Variants in VPS13A observed in about 807,000 individuals in gnomAD.
The protein encoded by VPS13A is vacuolar protein sorting 13 homolog A.
In VPS13A, 264 loss-of-function variants were observed where a neutral mutation model predicts 390.9. The ratio of observed to expected loss-of-function variants is 0.68; its 90% CI spans 0.61 to 0.75. VPS13A has a LOEUF of 0.75. Among genes scored for constraint, VPS13A ranks in the 30% least tolerant of loss-of-function variants. VPS13A has a pLI of 0.00. For synonymous variants in VPS13A, 1,231 were observed against 1,227.1 expected, an observed-to-expected ratio of 1.00 and a Z score of -0.07; for missense variants, 3,409 against 3,733.9, an observed-to-expected ratio of 0.91 and a Z score of 2.27.
At chr9:77,336,670 C>A (rs1830552724) in intron 46 of VPS13A, among the ~76,000 whole-genome samples, 1 of 150,782 alleles carries the variant, frequency 6.6e-6, no homozygotes, top group African/African-American at 2.4e-5. Context: ...TGATACGATT[C>A]ATGTATTTTT....
chr9:77,237,864 GTCT>G (rs1354074815), intron 17 of VPS13A, 135 bp from the exon 18 acceptor site: 6 of 644,928 alleles, frequency 9.3e-6, no homozygotes, highest in South Asian at 3.8e-5. Flanking sequence ...ATCATTGTAT[GTCT>G]TCTTTGATGG....
At position 77,201,346 on chromosome 9, in the gene VPS13A, A is replaced by G. The variant is rs754661980; in HGVS notation, c.145-19A>G. ...CTATATCTACTAATGTTTTGTGTAT[A>G]TATAAATTTTTTCTGTAGAGTCAAC... is the stretch of plus-strand genomic sequence containing the variant. On this transcript the variant is annotated intron_variant, in intron 2 of 71. Transcript: ENST00000360280. 3.0e-5 allele frequency: 46 copies of G among 1,554,422 alleles called. No homozygotes were observed. The highest frequency in any genetic ancestry group is 4.1e-5 in the Non-Finnish European group (46 of 1,126,260).
chr9:77,217,948 C>T (rs1433152374), intron 10 of VPS13A, among the ~76,000 whole-genome samples: 3 of 151,962 alleles, frequency 2.0e-5, no homozygotes, highest in African/African-American at 7.2e-5. Context: ...AATCCCTTTT[C>T]TCCACATCCT....
chr9:77,403,762 A>G (rs1387911670), intron 69 of VPS13A, among the ~76,000 whole-genome samples: 1 of 152,228 alleles, frequency 6.6e-6, no homozygotes, highest in Admixed American at 6.5e-5. Context: ...GACTTCTTCA[A>G]GTAGACAGTG....
At position 77,314,101 on chromosome 9, in the gene VPS13A, TAGTCCA is replaced by T. The variant is rs1564719948; in HGVS notation, c.4225_4230del (p.Ser1409_Pro1410del). 6.2e-7 allele frequency: 1 copy of T among 1,613,364 alleles called. No homozygotes were observed. Among genetic ancestry groups the T allele is most frequent in the Non-Finnish European group, 8.5e-7 (1 of 1,179,558 alleles). On this transcript the variant is annotated inframe_deletion, in exon 36 of 72. Transcript: ENST00000360280. ...CTGATGATCTCACCATGGTGCTGTA[TAGTCCA>T]GGTCCTAAACAGGTAAGTCCAGGAA...
At chr9:77,395,982 A>C (rs1316202153) in intron 68 of VPS13A, 1 of 152,208 alleles carries the variant, frequency 6.6e-6, no homozygotes, top group East Asian at 1.9e-4. Flanking sequence ...AGTATTTTAA[A>C]AGAAATGTTA....
At chr9:77,280,388 A>T (rs1294424822) in intron 27 of VPS13A, 150 bp downstream of exon 27, 1 of 598,374 alleles carries the variant, frequency 1.7e-6, no homozygotes, top group Non-Finnish European at 2.9e-6. Context: ...TTATTTTGTC[A>T]TCTTGTATTA....
chr9:77,411,493 C>G (rs905423344), intron 71 of VPS13A, among the ~76,000 whole-genome samples: 1 of 151,770 alleles, frequency 6.6e-6, no homozygotes, highest in African/African-American at 2.4e-5. Flanking sequence ...GAAACCCCGT[C>G]TCTACTAAAA....
intron 5 of VPS13A, among the ~76,000 whole-genome samples, chr9:77,206,636 C>G (rs1258212643): frequency 6.6e-6 from 1 of 152,104 alleles, no homozygotes; most frequent in African/African-American, 2.4e-5. Context: ...TCCTTTTCAC[C>G]TGTTCTCTGA....
At chr9:77,353,791 G>T in intron 54 of VPS13A, 150 bp downstream of exon 54, 1 of 798,510 alleles carries the variant, frequency 1.3e-6, no homozygotes, top group East Asian at 2.7e-5. Context: ...ATGTGCTTGA[G>T]GGAATTTTTT....
At chr9:77,321,885 G>A (rs550779666) in intron 44 of VPS13A, 139 bp downstream of exon 44, 1 of 988,272 alleles carries the variant, frequency 1.0e-6, no homozygotes, top group Non-Finnish European at 1.5e-6. Context: ...TTTCTAATAG[G>A]TCAAGAACTG....
chr9:77,206,264 A>T (rs1468847543), intron 5 of VPS13A, among the ~76,000 whole-genome samples, 185 bp downstream of exon 5: 4 of 151,338 alleles, frequency 2.6e-5, no homozygotes, highest in Non-Finnish European at 5.9e-5. Context: ...ATTTTACCTT[A>T]TGGAAATTTA....
intron 15 of VPS13A, 118 bp downstream of exon 15, chr9:77,226,716 A>C: frequency 1.2e-6 from 1 of 837,730 alleles, no homozygotes; most frequent in Non-Finnish European, 1.7e-6. Flanking sequence ...TTATATATAA[A>C]GTTATTACAA....
chr9:77,198,738 A>T (rs1825149734), intron 1 of VPS13A, among the ~76,000 whole-genome samples: 1 of 151,878 alleles, frequency 6.6e-6, no homozygotes, highest in Non-Finnish European at 1.5e-5. Context: ...ATGTCGGCTC[A>T]CTGCAACCTC....
At chr9:77,357,669 A>G in intron 55 of VPS13A, 23 bp from the exon 56 acceptor site, 2 of 1,610,846 alleles carry the variant, frequency 1.2e-6, no homozygotes, top group Non-Finnish European at 1.7e-6. Flanking sequence ...TAATTTTTTC[A>G]TTTGGGGGGA....
At chr9:77,222,716 A>G (rs904121980) in intron 13 of VPS13A, among the ~76,000 whole-genome samples, 18 of 152,106 alleles carry the variant, frequency 1.2e-4, no homozygotes, top group African/African-American at 4.3e-4. Flanking sequence ...ATGATCAGTG[A>G]TCTTTGCTGT....
At chr9:77,209,892 A>G (rs1358932196) in intron 6 of VPS13A, among the ~76,000 whole-genome samples, 1 of 152,196 alleles carries the variant, frequency 6.6e-6, no homozygotes, top group Non-Finnish European at 1.5e-5. Flanking sequence ...TTGATCCTGA[A>G]TAGGTCATTT....
chr9:77,268,178 C>G (rs1249034836), intron 23 of VPS13A, among the ~76,000 whole-genome samples: 1 of 152,200 alleles, frequency 6.6e-6, no homozygotes, highest in African/African-American at 2.4e-5. Context: ...GCTGGCATTC[C>G]AGGTGCCACT....
chr9:77,377,542 G>A (rs765091140), intron 67 of VPS13A, among the ~76,000 whole-genome samples: 10 of 151,876 alleles, frequency 6.6e-5, no homozygotes, highest in Non-Finnish European at 1.2e-4. Flanking sequence ...ATTGTTTATT[G>A]CTGGTGTGTT....
Sources: allele counts gnomAD v4.1 joint callset (sites outside exome capture counted in the v4.1 genomes callset), GRCh38; gene constraint gnomAD v4.1.1; transcripts MANE v1.5; gene names NCBI Gene and HGNC (gene_info 2026-07-23, HGNC 2026-07-21).